MAGI1: variants seen among roughly 807,000 people sequenced by gnomAD.
MAGI1 encodes the protein membrane-associated guanylate kinase, WW and PDZ domain-containing protein 1.
Under a neutral mutation model 139.9 loss-of-function variants are expected in MAGI1, and 58 were observed. The ratio of observed to expected loss-of-function variants is 0.41; its 90% CI spans 0.34 to 0.52. MAGI1 has a LOEUF of 0.52. Ranked by LOEUF, MAGI1 falls within the 20% of genes least tolerant of loss-of-function variation. The pLI, the probability that MAGI1 is intolerant of heterozygous loss-of-function variation, is 0.12. For missense variants in MAGI1, 1,874 were observed against 1,901.6 expected (o/e 0.99, Z 0.27); for synonymous variants, 812 against 737.9 (o/e 1.10, Z -1.63).
At chr3:65,967,143 G>C (rs543938979) in intron 1 of MAGI1, among the ~76,000 whole-genome samples, 1 of 152,042 alleles carries the variant, frequency 6.6e-6, no homozygotes, top group South Asian at 2.1e-4. Context: ...CCCATACCAT[G>C]GTGCCTTTGA....
intron 2 of MAGI1, among the ~76,000 whole-genome samples, chr3:65,552,295 T>C (rs554308663): frequency 6.6e-6 from 1 of 150,908 alleles, no homozygotes; most frequent in East Asian, 2.0e-4. Context: ...TGTGTCCCCA[T>C]TCCAATTTCC....
intron 1 of MAGI1, among the ~76,000 whole-genome samples, chr3:65,718,274 T>C (rs898432370): frequency 6.6e-6 from 1 of 152,080 alleles, no homozygotes; most frequent in Admixed American, 6.6e-5. Flanking sequence ...GCCAGAAACA[T>C]TTTGGCTGGA....
At chr3:65,363,703 C>G (rs1224698015) in intron 20 of MAGI1, 95 bp from the exon 21 acceptor site, 3 of 998,514 alleles carry the variant, frequency 3.0e-6, no homozygotes, top group Non-Finnish European at 2.9e-6. Context: ...ATCTCTATCC[C>G]CCTCTTGGTG....
chr3:66,023,370 T>C (rs1394682757), intron 1 of MAGI1, among the ~76,000 whole-genome samples: 1 of 152,068 alleles, frequency 6.6e-6, no homozygotes, highest in Non-Finnish European at 1.5e-5. Context: ...GGACCTTTCT[T>C]GGCTCCTTGA....
In MAGI1 at chr3:65,448,086, C is replaced by T. The variant is rs370586233; in HGVS notation, c.1043-29G>A. 19 of 1,612,970 alleles carry T rather than the reference C, an allele frequency of 1.2e-5. No individual in the cohort carries two copies. The African/African-American group carries it at 2.3e-4, about 19-fold the overall frequency. ...CTCCAAAGGAATAGCAGGAATGAGA[C>T]AGAAAAGAGAGAAAGCAAAATTCAG... On this transcript the variant is annotated intron_variant, in intron 6 of 22. Transcript: ENST00000402939.
chr3:65,432,135 G>C (rs577688749), intron 10 of MAGI1, among the ~76,000 whole-genome samples: 1 of 152,086 alleles, frequency 6.6e-6, no homozygotes, highest in African/African-American at 2.4e-5. Flanking sequence ...TTTTCTTTTG[G>C]GTTTTACTAG....
intron 2 of MAGI1, among the ~76,000 whole-genome samples, chr3:65,515,521 C>A (rs991039847): frequency 6.6e-6 from 1 of 152,148 alleles, no homozygotes; most frequent in Non-Finnish European, 1.5e-5. Flanking sequence ...AAAATTCACA[C>A]AATAGGGCCT....
At chr3:65,826,335 A>T (rs903321280) in intron 1 of MAGI1, among the ~76,000 whole-genome samples, 4 of 152,238 alleles carry the variant, frequency 2.6e-5, no homozygotes, top group African/African-American at 9.6e-5. Context: ...ATGCATTTCA[A>T]TGCCAGTATT....
chr3:65,421,632 C>T (rs62252618), intron 12 of MAGI1, among the ~76,000 whole-genome samples: 1 of 152,030 alleles, frequency 6.6e-6, no homozygotes, highest in Non-Finnish European at 1.5e-5. Context: ...GAGGTTTCTT[C>T]CATTTTTTAG....
At chr3:65,699,728 G>C in intron 1 of MAGI1, among the ~76,000 whole-genome samples, 1 of 122,200 alleles carries the variant, frequency 8.2e-6, no homozygotes, top group African/African-American at 3.1e-5. Context: ...GGACTGTGGT[G>C]GGGTGGGGGG....
At chr3:65,459,245 G>A (rs1949612195) in intron 5 of MAGI1, among the ~76,000 whole-genome samples, 1 of 152,104 alleles carries the variant, frequency 6.6e-6, no homozygotes, top group Non-Finnish European at 1.5e-5. Context: ...ACTTCCTCCA[G>A]TTTTATTCTT....
intron 1 of MAGI1, among the ~76,000 whole-genome samples, chr3:65,632,513 CAAAT>C (rs1397117058): frequency 2.6e-5 from 4 of 152,254 alleles, no homozygotes; most frequent in African/African-American, 7.2e-5. Context: ...AAAAAATACA[CAAAT>C]AAAGAACATT....
At chr3:65,698,723 A>G (rs2089387247) in intron 1 of MAGI1, among the ~76,000 whole-genome samples, 2 of 149,618 alleles carry the variant, frequency 1.3e-5, no homozygotes, top group Admixed American at 6.6e-5. Flanking sequence ...ACAAAAATCA[A>G]TTCAAGATGG....
chr3:65,568,658 G>A (rs2080795749), intron 2 of MAGI1, among the ~76,000 whole-genome samples: 1 of 152,176 alleles, frequency 6.6e-6, no homozygotes, highest in Admixed American at 6.5e-5. Context: ...CTTGTGCAGG[G>A]TGCTGTATGT....
chr3:65,996,443 A>T lies in MAGI1; in HGVS notation c.313+41553T>A, dbSNP rs192395476. ...AAATTTAAAATACACACCAAAAACT[A>T]AAAAAGAGATACAGGCACAGCTGCC... On this transcript the variant is annotated intron_variant, in intron 1 of 22. Coordinates refer to ENST00000402939, the MANE Select transcript of MAGI1 (RefSeq NM_001033057.2). Among the ~76,000 whole-genome samples the T allele has an allele frequency of 3.5e-3, 533 of 151,918 alleles. 2 individuals are homozygous for T. The highest frequency in any genetic ancestry group is 0.012 in the African/African-American group (508 of 41,454).
chr3:65,963,040 T>G (rs1229935295), intron 1 of MAGI1, among the ~76,000 whole-genome samples: 9 of 148,188 alleles, frequency 6.1e-5, no homozygotes, highest in African/African-American at 2.0e-4. Context: ...GTTAAAATAA[T>G]GACAATCTGG....
intron 4 of MAGI1, among the ~76,000 whole-genome samples, chr3:65,476,825 T>C (rs1950917811): frequency 6.6e-6 from 1 of 152,212 alleles, no homozygotes; most frequent in Non-Finnish European, 1.5e-5. Context: ...TCTGTTTTCA[T>C]TTTGGTAAGG....
intron 4 of MAGI1, among the ~76,000 whole-genome samples, chr3:65,477,663 G>A (rs1950968709): frequency 6.6e-6 from 1 of 150,942 alleles, no homozygotes; most frequent in African/African-American, 2.4e-5. Context: ...GCTCTTCTGG[G>A]TCACTGCACT....
At chr3:65,933,230 T>A (rs2062884807) in intron 1 of MAGI1, among the ~76,000 whole-genome samples, 1 of 152,214 alleles carries the variant, frequency 6.6e-6, no homozygotes, top group African/African-American at 2.4e-5. Flanking sequence ...TAAGCATTTA[T>A]TATCTCACAG....
Sources: allele counts gnomAD v4.1 joint callset (sites outside exome capture counted in the v4.1 genomes callset), GRCh38; gene constraint gnomAD v4.1.1; transcripts MANE v1.5; gene names NCBI Gene and HGNC (gene_info 2026-07-23, HGNC 2026-07-21).